The following TIAM2 variants were observed in gnomAD, a reference collection of about 807,000 sequenced individuals.
TIAM2 encodes TIAM Rac1 associated GEF 2.
Under a neutral mutation model 152.9 loss-of-function variants are expected in TIAM2, and 80 were observed. The ratio of observed to expected loss-of-function variants is 0.52; its 90% confidence interval spans 0.44 to 0.63. TIAM2 has a LOEUF of 0.63. TIAM2 is among the 30% of genes least tolerant of loss of function. TIAM2 has a pLI of 0.00. For missense variants in TIAM2, 1,965 were observed against 2,120.1 expected (o/e 0.93, Z 1.44); for synonymous variants, 804 against 838.0 (o/e 0.96, Z 0.70).
intron 1 of TIAM2, among the ~76,000 whole-genome samples, chr6:155,062,115 C>A (rs927680532): frequency 4.4e-4 from 67 of 151,164 alleles, no homozygotes; most frequent in African/African-American, 1.5e-3. Context: ...CACCACCCCC[C>A]ACTTAGGAAA....
At chr6:155,076,589 G>C (rs1199196856) in intron 1 of TIAM2, among the ~76,000 whole-genome samples, 1 of 152,166 alleles carries the variant, frequency 6.6e-6, no homozygotes, top group East Asian at 1.9e-4. Context: ...GGGATTGGTT[G>C]CTGGGTGGAC....
intron 1 of TIAM2, among the ~76,000 whole-genome samples, chr6:155,012,021 A>T (rs1778498155): frequency 1.3e-5 from 2 of 152,140 alleles, no homozygotes; most frequent in Non-Finnish European, 2.9e-5. Flanking sequence ...TAGACTCTGG[A>T]TTTCCTCCAA....
intron 2 of TIAM2, among the ~76,000 whole-genome samples, chr6:155,115,652 A>G (rs1412278565): frequency 6.6e-6 from 1 of 152,132 alleles, no homozygotes; most frequent in African/African-American, 2.4e-5. Flanking sequence ...GACCCTGGCA[A>G]TAAGTTGATC....
chr6:155,228,564 A>G (rs1404044430), intron 15 of TIAM2, among the ~76,000 whole-genome samples: 19 of 152,100 alleles, frequency 1.2e-4, no homozygotes. Flanking sequence ...TGGGTTAGAG[A>G]AAATGCAGTT....
At chr6:155,051,593 G>A (rs1173278123) in intron 1 of TIAM2, among the ~76,000 whole-genome samples, 4 of 151,966 alleles carry the variant, frequency 2.6e-5, no homozygotes, top group African/African-American at 4.8e-5. Flanking sequence ...TTTCCTGTAA[G>A]TCTGCTTGCA....
intron 1 of TIAM2, among the ~76,000 whole-genome samples, chr6:155,021,324 C>A (rs559167844): frequency 3.9e-5 from 6 of 152,068 alleles, no homozygotes; most frequent in African/African-American, 1.4e-4. Flanking sequence ...TGCAATGGTA[C>A]GATCTCGGCT....
At chr6:155,121,183 C>T (rs1278522619) in intron 2 of TIAM2, among the ~76,000 whole-genome samples, 1 of 151,834 alleles carries the variant, frequency 6.6e-6, no homozygotes, top group Non-Finnish European at 1.5e-5. Flanking sequence ...TCATAATATA[C>T]AAAATCAGAC....
Position 155,129,483 on chromosome 6 carries a change from G to C in TIAM2, c.260G>C (p.Arg87Thr). ...RLGGPTCKVSRGVAYSTHRTN... is the reference protein window; with the variant it reads ...RLGGPTCKVSTGVAYSTHRTN... The stretch of plus-strand genomic sequence containing the variant: ...GGTGGCCCCACATGCAAGGTCTCCA[G>C]AGGTGTTGCCTACTCCACGCACAGG... Residue 87 changes from arginine (R) to threonine (T), a missense_variant, in exon 4 of 27, where the codon AGA becomes ACA. Coordinates refer to ENST00000682666, the MANE Select transcript of TIAM2 (RefSeq NM_012454.4). This position sits in a 1 kb window ranked among gnomAD's most constrained non-coding sequence, Gnocchi z 4.8. 1 of 1,614,172 alleles carries C rather than the reference G, an allele frequency of 6.2e-7. No homozygotes were observed. Among genetic ancestry groups the C allele is most frequent in the Non-Finnish European group, 8.5e-7 (1 of 1,180,038 alleles).
In TIAM2 at chr6:155,213,537, A is replaced by C. The variant is rs1036797721; in HGVS notation, c.3168+2230A>C. On this transcript the variant is annotated intron_variant, in intron 15 of 26. Transcript: ENST00000682666. The surrounding 1 kb of genome is among the most constrained non-coding windows in gnomAD (Gnocchi z 4.2). ...CACTGATTGGTCCATAGTGGCCATG[A>C]GCAGACCCAGAAAAAGCTCCATAAG... Among the ~76,000 whole-genome samples, 2 of 152,178 alleles carry C rather than the reference A, an allele frequency of 1.3e-5. No homozygotes were observed. Among genetic ancestry groups the C allele is most frequent in the Admixed American group, 1.3e-4 (2 of 15,290 alleles).
At chr6:155,032,699 C>T (rs1453169784) in intron 1 of TIAM2, among the ~76,000 whole-genome samples, 4 of 152,118 alleles carry the variant, frequency 2.6e-5, no homozygotes, top group Non-Finnish European at 5.9e-5. Flanking sequence ...TGCCACCACG[C>T]CCAGCTAATT....
intron 9 of TIAM2, among the ~76,000 whole-genome samples, chr6:155,173,724 T>A (rs1056634350): frequency 6.6e-6 from 1 of 152,236 alleles, no homozygotes; most frequent in African/African-American, 2.4e-5. Context: ...AAGCCTCTGC[T>A]GGTATTCATC....
At position 155,043,072 on chromosome 6, in the gene TIAM2, CCT is replaced by C. The variant is rs374349923; in HGVS notation, c.-208-47214_-208-47213del. ...ATGACGCTGGGGGGATGCATTATGA[CCT>C]CTGTGATGCAGGTGAGGAAGATGAG... On this transcript the variant is annotated intron_variant, in intron 1 of 26. Coordinates refer to ENST00000682666, the MANE Select transcript of TIAM2 (RefSeq NM_012454.4). 5.8e-3 allele frequency among the ~76,000 whole-genome samples: 878 copies of C among 152,250 alleles called. 5 individuals carry two copies. The highest frequency in any genetic ancestry group is 0.01 in the Middle Eastern group (3 of 294).
At chr6:155,229,888 C>T (rs903714425) in intron 15 of TIAM2, among the ~76,000 whole-genome samples, 1 of 152,052 alleles carries the variant, frequency 6.6e-6, no homozygotes, top group East Asian at 1.9e-4. Flanking sequence ...AGGGGAACTG[C>T]CCTTTATAAA....
chr6:155,233,294 A>G (rs1782573381), intron 15 of TIAM2, among the ~76,000 whole-genome samples: 1 of 152,244 alleles, frequency 6.6e-6, no homozygotes, highest in African/African-American at 2.4e-5. Flanking sequence ...GTTGTGATCA[A>G]GGGAACAGAT....
At chr6:155,252,049 T>C (rs767818256) in intron 23 of TIAM2, 46 bp downstream of exon 23, 3 of 1,468,338 alleles carry the variant, frequency 2.0e-6, no homozygotes, top group Non-Finnish European at 2.8e-6. Context: ...TTCATAGCTG[T>C]ATCTTCCTAT....
At chr6:155,144,544 C>G (rs1583212893) in intron 5 of TIAM2, 62 bp from the exon 6 acceptor site, 1 of 1,425,414 alleles carries the variant, frequency 7.0e-7, no homozygotes, top group Non-Finnish European at 9.2e-7. Flanking sequence ...CACTTACCCT[C>G]CCAGTCCTTT....
intron 2 of TIAM2, among the ~76,000 whole-genome samples, chr6:155,127,264 G>A (rs1008717136): frequency 1.3e-5 from 2 of 152,204 alleles, no homozygotes; most frequent in Non-Finnish European, 2.9e-5. Flanking sequence ...GCATTTGACT[G>A]CAGACTGGGT....
intron 9 of TIAM2, among the ~76,000 whole-genome samples, chr6:155,172,069 G>A (rs966238671): frequency 6.6e-6 from 1 of 152,104 alleles, no homozygotes; most frequent in Non-Finnish European, 1.5e-5. Context: ...GCTGCATACT[G>A]AGCATAAGTA....
intron 1 of TIAM2, among the ~76,000 whole-genome samples, chr6:155,054,587 GTT>G (rs1055685024): frequency 8.6e-6 from 1 of 115,920 alleles, no homozygotes; most frequent in African/African-American, 2.6e-5. Context: ...GTTTTGTTTT[GTT>G]TTTTTTTTTT....
Sources: gnomAD v4.1 joint callset for allele counts (sites outside exome capture counted in the v4.1 genomes callset) on GRCh38, gnomAD v4.1.1 for gene constraint, Gnocchi (gnomAD v3.1) non-coding constraint, MANE v1.5 for transcripts, NCBI Gene and HGNC (gene_info 2026-07-23, HGNC 2026-07-21) for gene names.